Variants in CFAP20DC observed in about 807,000 individuals in gnomAD.
The protein encoded by CFAP20DC is protein CFAP20DC.
Under a neutral mutation model 101.7 loss-of-function variants are expected in CFAP20DC, and 84 were observed. The observed-to-expected ratio is 0.83, with a 90% confidence interval of 0.69 to 0.99. CFAP20DC has a LOEUF of 0.99. Among genes scored for constraint, CFAP20DC ranks in the 50% least tolerant of loss-of-function variants. The pLI is 0.00. For synonymous variants in CFAP20DC, 359 were observed against 351.2 expected, an observed-to-expected ratio of 1.02 and a Z score of -0.25; for missense variants, 1,007 against 970.3, an observed-to-expected ratio of 1.04 and a Z score of -0.50.
intron 4 of CFAP20DC, among the ~76,000 whole-genome samples, chr3:58,959,844 G>T (rs1399046415): frequency 6.6e-6 from 1 of 152,196 alleles, no homozygotes; most frequent in Non-Finnish European, 1.5e-5. Context: ...ATTTGCAGAA[G>T]ATTGTCATCT....
chr3:58,991,198 A>G (rs2092925911), intron 4 of CFAP20DC, among the ~76,000 whole-genome samples: 1 of 152,192 alleles, frequency 6.6e-6, no homozygotes, highest in African/African-American at 2.4e-5. Context: ...TACATTATAT[A>G]AATTCCAATT....
At chr3:59,034,106 G>A (rs1322184663) in intron 4 of CFAP20DC, among the ~76,000 whole-genome samples, 1 of 152,128 alleles carries the variant, frequency 6.6e-6, no homozygotes, top group Non-Finnish European at 1.5e-5. Flanking sequence ...AGCTTCATAA[G>A]CAAAGGAGAA....
At chr3:58,946,842 T>C (rs2089434920) in intron 4 of CFAP20DC, among the ~76,000 whole-genome samples, 2 of 152,180 alleles carry the variant, frequency 1.3e-5, no homozygotes, top group African/African-American at 4.8e-5. Flanking sequence ...TAGAAGAGGA[T>C]GGGACATGGA....
intron 4 of CFAP20DC, among the ~76,000 whole-genome samples, chr3:59,026,295 GA>G (rs966256876): frequency 2.0e-5 from 3 of 152,074 alleles, no homozygotes; most frequent in Non-Finnish European, 4.4e-5. Context: ...GTTTAAAAAA[GA>G]GCTGCTACTG....
intron 3 of CFAP20DC, among the ~76,000 whole-genome samples, chr3:59,043,841 A>G (rs17060058): frequency 0.24 from 36,816 of 152,062 alleles, 5,154 homozygotes; most frequent in African/African-American, 0.39. Context: ...ATCAAGGCCA[A>G]CTGGTTACAA....
In CFAP20DC at chr3:58,894,752, T is replaced by G. The variant is rs1398780462; in HGVS notation, c.551-10043A>C. Among the ~76,000 whole-genome samples, 1 of 152,194 alleles carries G rather than the reference T, an allele frequency of 6.6e-6. No individual in the cohort carries two copies. Among genetic ancestry groups the G allele is most frequent in the Non-Finnish European group, 1.5e-5 (1 of 68,024 alleles). Reference sequence around the variant, plus strand: ...TGGTGGCTCCAATCCCACATTTCCCTTCTGCACTGCCCTAGCTGAGGTTCT... The same window carrying G: ...TGGTGGCTCCAATCCCACATTTCCCGTCTGCACTGCCCTAGCTGAGGTTCT... On this transcript the variant is annotated intron_variant, in intron 6 of 16. Transcript: ENST00000482387. The surrounding 1 kb of genome is among the most constrained non-coding windows in gnomAD (Gnocchi z 4.1).
At chr3:58,862,871 A>G in intron 12 of CFAP20DC, 1 of 984,278 alleles carries the variant, frequency 1.0e-6, no homozygotes, top group Non-Finnish European at 1.2e-6. Context: ...TGCACTTCCT[A>G]TGGGGAAAAA....
chr3:58,735,760 A>C (rs2067738876), intron 3 of CFAP20DC, among the ~76,000 whole-genome samples: 1 of 152,186 alleles, frequency 6.6e-6, no homozygotes, highest in Non-Finnish European at 1.5e-5. Flanking sequence ...TTAGATTGAA[A>C]GCAACAACTA....
intron 1 of CFAP20DC, among the ~76,000 whole-genome samples, chr3:59,049,384 T>C (rs1700127561): frequency 6.6e-6 from 1 of 152,156 alleles, no homozygotes; most frequent in South Asian, 2.1e-4. Context: ...TAATTCATCT[T>C]AAGAAACACT....
intron 15 of CFAP20DC, among the ~76,000 whole-genome samples, chr3:58,757,286 C>A (rs2069047691): frequency 2.6e-5 from 4 of 151,894 alleles, no homozygotes; most frequent in Admixed American, 6.6e-5. Context: ...TTAAAGCAGG[C>A]TTGATTTGAA....
intron 4 of CFAP20DC, among the ~76,000 whole-genome samples, chr3:58,994,584 T>C (rs989210120): frequency 6.6e-6 from 1 of 152,164 alleles, no homozygotes; most frequent in Non-Finnish European, 1.5e-5. Flanking sequence ...GCCTTCCCCC[T>C]TCCCCCAGTT....
At position 58,884,452 on chromosome 3, in the gene CFAP20DC, G is replaced by C. The variant is rs532706635; in HGVS notation, c.715+93C>G. ...TCTGTTAAGTGCGAAGGATATAGAA[G>C]AATGAGGTACAGTGCCCTTTTTGGA... On this transcript the variant is annotated intron_variant, in intron 7 of 16. Coordinates refer to ENST00000482387, the MANE Select transcript of CFAP20DC (RefSeq NM_001394063.1). 5.1e-6 allele frequency: 6 copies of C among 1,183,926 alleles called. No homozygotes were observed. In the African/African-American group the frequency reaches 9.1e-5, roughly 18 times the overall value. 73.3% of individuals were successfully genotyped at this position (1,183,926 alleles called of 1,614,324 possible).
intron 4 of CFAP20DC, among the ~76,000 whole-genome samples, chr3:59,032,206 C>A (rs767363266): frequency 2.0e-5 from 3 of 152,150 alleles, no homozygotes; most frequent in Non-Finnish European, 4.4e-5. Flanking sequence ...AACCTGCAGA[C>A]CAGGAGATTT....
chr3:58,948,880 G>T (rs567782859), intron 4 of CFAP20DC, among the ~76,000 whole-genome samples: 40 of 152,256 alleles, frequency 2.6e-4, no homozygotes, highest in Admixed American at 2.2e-3. Context: ...GCTCCTCTTT[G>T]TACCTCTGGT....
At chr3:58,855,205 A>C (rs2078659436) in intron 12 of CFAP20DC, among the ~76,000 whole-genome samples, 1 of 152,214 alleles carries the variant, frequency 6.6e-6, no homozygotes, top group Non-Finnish European at 1.5e-5. Flanking sequence ...TCAAAAGAAG[A>C]CATTAATGCA....
chr3:58,787,094 A>T (rs2072412379), intron 15 of CFAP20DC, among the ~76,000 whole-genome samples: 1 of 152,018 alleles, frequency 6.6e-6, no homozygotes, highest in Non-Finnish European at 1.5e-5. Context: ...TGCTATAAAA[A>T]TATAAAAGTA....
chr3:58,920,933 TG>T (rs1175027255), intron 5 of CFAP20DC, among the ~76,000 whole-genome samples: 1 of 152,180 alleles, frequency 6.6e-6, no homozygotes, highest in Non-Finnish European at 1.5e-5. Context: ...TTTTTTGGAA[TG>T]TTTTTCAAAT....
intron 14 of CFAP20DC, 93 bp downstream of exon 14, chr3:58,831,593 G>C: frequency 2.0e-6 from 2 of 976,284 alleles, no homozygotes; most frequent in East Asian, 2.6e-5. Flanking sequence ...TTCTCATTTT[G>C]GTCCTGGCTT....
At chr3:59,045,851 C>T (rs922937779) in intron 3 of CFAP20DC, among the ~76,000 whole-genome samples, 3 of 151,930 alleles carry the variant, frequency 2.0e-5, no homozygotes, top group African/African-American at 7.3e-5. Context: ...GAGGAACCAA[C>T]CTCAGTTTGT....
Sources: gnomAD v4.1 joint callset for allele counts (sites outside exome capture counted in the v4.1 genomes callset) on GRCh38, gnomAD v4.1.1 for gene constraint, Gnocchi (gnomAD v3.1) non-coding constraint, MANE v1.5 for transcripts, NCBI Gene and HGNC (gene_info 2026-07-23, HGNC 2026-07-21) for gene names.